Variants in KMT2D observed in about 807,000 individuals in gnomAD.
KMT2D encodes lysine methyltransferase 2D, also known as histone-lysine N-methyltransferase 2D.
A neutral mutation model predicts 512.7 loss-of-function variants in KMT2D; 55 were observed. That is an observed-to-expected ratio of 0.11 (90% confidence interval 0.09 to 0.13). The LOEUF is 0.13. Among genes scored for constraint, KMT2D ranks in the 10% least tolerant of loss-of-function variants. The pLI, the probability that KMT2D is intolerant of heterozygous loss-of-function variation, is 1.00. For missense variants in KMT2D, 6,061 were observed against 7,127.9 expected (o/e 0.85, Z 5.39); for synonymous variants, 2,995 against 2,904.0 (o/e 1.03, Z -1.01).
chr12:49,049,939 T>C lies in KMT2D; in HGVS notation c.3649A>G (p.Ser1217Gly). 1.2e-6 allele frequency: 2 copies of C among 1,613,964 alleles called. No homozygotes were observed. Among genetic ancestry groups the C allele is most frequent in the Admixed American group, 1.7e-5 (1 of 60,032 alleles). ...GGCTCTGAGCCAGGAAAACTGGCAC[T>C]GGCATCACCCTGGCTCAGATTAGAG... ...EISNLSQGDA[S>G]ASFPGSEPLL... is the part of the protein sequence containing the mutation. The change falls in exon 12 of 55, where the codon AGT (serine) becomes GGT (glycine). Residue 1217 changes from serine (S) to glycine (G), a missense_variant. Physicochemically the swap from Ser to Gly is moderately conservative, Grantham distance 56 (BLOSUM62 0). Transcript: ENST00000301067.
chr12:49,058,949 C>T (rs1267075544), intron 1 of KMT2D, among the ~76,000 whole-genome samples: 1 of 152,210 alleles, frequency 6.6e-6, no homozygotes, highest in Non-Finnish European at 1.5e-5. Flanking sequence ...AGCACTCGGC[C>T]TCACTGGGGT....
In KMT2D at chr12:49,046,879, CTT is replaced by C. The variant is rs1943813100; in HGVS notation, c.4237-91_4237-90del. 2 of 1,265,424 alleles carry C rather than the reference CTT, an allele frequency of 1.6e-6. No individual in the cohort carries two copies. Among genetic ancestry groups the C allele is most frequent in the Non-Finnish European group, 1.1e-6 (1 of 919,254 alleles). The allele number at this position is 1,265,424 out of a possible 1,614,324, so 78.4% of individuals were successfully genotyped here. Reference sequence around the variant, plus strand: ...TTTTTTTTGGAGATGGAGTTTTGCTCTTGTTCCCCAGGCTGGAGTGCAATGGC... The same window carrying C: ...TTTTTTTTGGAGATGGAGTTTTGCTCGTTCCCCAGGCTGGAGTGCAATGGC... On this transcript the variant is annotated intron_variant, in intron 15 of 54. Transcript: ENST00000301067. The surrounding 1 kb of genome is among the most constrained non-coding windows in gnomAD (Gnocchi z 4.2).
rs889312730 is a variant in KMT2D, at chr12:49,046,183, C to T, written c.4584-9G>A. On this transcript the variant is annotated splice_polypyrimidine_tract_variant and intron_variant, in intron 17 of 54. Transcript: ENST00000301067. This position sits in a 1 kb window ranked among gnomAD's most constrained non-coding sequence, Gnocchi z 4.2. The stretch of plus-strand genomic sequence containing the variant: ...AGCCTGCATGCATCCACCTGGAGAA[C>T]AGAGACTGGAGGAAATAAGCTCAGG... 1 of 1,611,966 alleles carries T rather than the reference C, an allele frequency of 6.2e-7. No individual in the cohort carries two copies. The highest frequency in any genetic ancestry group is 8.5e-7 in the Non-Finnish European group (1 of 1,178,902).
chr12:49,032,251 G>A lies in KMT2D; in HGVS notation c.12454C>T (p.Leu4152Phe), dbSNP rs1555188088. The A allele has an allele frequency of 6.2e-7, 1 of 1,613,918 alleles. No homozygotes were observed. Among genetic ancestry groups the A allele is most frequent in the Non-Finnish European group, 8.5e-7 (1 of 1,179,830 alleles). Residue 4152 changes from leucine to phenylalanine, a missense_variant, in exon 40 of 55, where the codon CTT becomes TTT. Leu to Phe is a conservative substitution (Grantham distance 22). Coordinates refer to ENST00000301067, the MANE Select transcript of KMT2D (RefSeq NM_003482.4). ...AGCATGGGCTGTTGGGGGCCCAGAA[G>A]GTTCTGGGTCATGGACCCAGGCTGA... is the stretch of plus-strand genomic sequence containing the variant. The part of the protein sequence containing the change: ...GDQPGSMTQN[L>F]LGPQQPMLER...
intron 49 of KMT2D, among the ~76,000 whole-genome samples, chr12:49,025,968 A>T (rs1942559811): frequency 6.6e-6 from 1 of 152,202 alleles, no homozygotes; most frequent in Non-Finnish European, 1.5e-5. Context: ...AGATTAGACC[A>T]GCAAAATATT....
In KMT2D at chr12:49,022,992, G is replaced by A; in HGVS notation, c.16053-117C>T. 8.9e-7 allele frequency: 1 copy of A among 1,118,138 alleles called. No homozygotes were observed. The highest frequency in any genetic ancestry group is 2.5e-4 in the Middle Eastern group (1 of 4,054). 69.3% of individuals were successfully genotyped at this position (1,118,138 alleles called of 1,614,324 possible). ...ACACCAGTTAGGGGCGTGTGCTGCT[G>A]GCAAGCACTGGAAGTGCAGCCTTGG... On this transcript the variant is annotated intron_variant, in intron 51 of 54. Coordinates refer to ENST00000301067, the MANE Select transcript of KMT2D (RefSeq NM_003482.4). This position sits in a 1 kb window ranked among gnomAD's most constrained non-coding sequence, Gnocchi z 8.6.
Position 49,054,972 on chromosome 12 carries a change from T to C in KMT2D, c.104A>G (p.Asn35Ser), listed in dbSNP as rs757397817. The C allele has an allele frequency of 1.9e-6, 3 of 1,613,842 alleles. No individual in the cohort carries two copies. The highest frequency in any genetic ancestry group is 1.6e-4 in the Middle Eastern group (1 of 6,084). ...GACAGAGACCTCTCCCACATGTGGG[T>C]TGGGCAGGTCTGACTCAGTGGCACT... ...DPSATESDLP[N>S]PHVGEVSVLS... Residue 35 changes from asparagine to serine, a missense_variant, in exon 3 of 55, where the codon AAC (asparagine) becomes AGC (serine). This residue lies in a region of KMT2D where 144 missense variants were observed against 165.7 expected (regional missense o/e 0.87). Coordinates refer to ENST00000301067, the MANE Select transcript of KMT2D (RefSeq NM_003482.4). The surrounding 1 kb of genome is among the most constrained non-coding windows in gnomAD (Gnocchi z 6.4).
At chr12:49,035,013 T>C (rs2120463429) in intron 35 of KMT2D, 78 bp from the exon 36 acceptor site, 1 of 1,564,954 alleles carries the variant, frequency 6.4e-7, no homozygotes, top group East Asian at 2.3e-5. Flanking sequence ...TTCAACATCC[T>C]GACTTCAACC....
At position 49,046,701 on chromosome 12, in the gene KMT2D, C is replaced by A. The variant is rs749846413; in HGVS notation, c.4326G>T (p.Leu1442=). 6.2e-7 allele frequency: 1 copy of A among 1,613,986 alleles called. No homozygotes were observed. The highest frequency in any genetic ancestry group is 2.2e-5 in the East Asian group (1 of 44,888). Residue 1442 remains leucine (L), a synonymous_variant, in exon 16 of 55, where the codon CTG becomes CTT. Coordinates refer to ENST00000301067, the MANE Select transcript of KMT2D (RefSeq NM_003482.4). This position sits in a 1 kb window ranked among gnomAD's most constrained non-coding sequence, Gnocchi z 4.2. ...TAATATCACAGTCATCACAGAGCAG[C>A]AGGCGTGAGGGGTCGGAGGCCTGGC... is the stretch of plus-strand genomic sequence containing the variant. ...VCGQASDPSR[L]LLCDDCDISY...
rs1324342513 is a variant in KMT2D, at chr12:49,039,956, T to C, written c.7814A>G (p.Tyr2605Cys). The stretch of plus-strand genomic sequence containing the variant: ...CGGAGGGCGTAGTGGGGACAGCCCA[T>C]AGCTCTCCCCTGTGGACCCGCTGCT... Reference protein sequence around the residue: ...GPSSGSTGESYGLSPLRPPSV... With the variant: ...GPSSGSTGESCGLSPLRPPSV... The change falls in exon 32 of 55, where the codon TAT (tyrosine) becomes TGT (cysteine). Residue 2605 changes from tyrosine to cysteine, a missense_variant. By Grantham distance (194) the Tyr-to-Cys change is radical. This residue lies in a region of KMT2D where 527 missense variants were observed against 578.9 expected (regional missense o/e 0.91). Transcript: ENST00000301067. The surrounding 1 kb of genome is among the most constrained non-coding windows in gnomAD (Gnocchi z 5.0). 3 of 1,613,888 alleles carry C rather than the reference T, an allele frequency of 1.9e-6. No individual in the cohort carries two copies. Among genetic ancestry groups the C allele is most frequent in the Non-Finnish European group, 2.5e-6 (3 of 1,179,816 alleles).
At position 49,030,646 on chromosome 12, in the gene KMT2D, C is replaced by T; in HGVS notation, c.13794G>A (p.Gly4598=). ...AGTAGTCAGGGCCAGTGGGCAGCGC[C>T]CCACTTCCAAAGGCCCCCCTCAGCT... ...QSQLRGAFGS[G]ALPTGPDYYS... Residue 4598 remains glycine, a synonymous_variant, in exon 42 of 55, where the codon GGG becomes GGA. Coordinates refer to ENST00000301067, the MANE Select transcript of KMT2D (RefSeq NM_003482.4). 6.2e-7 allele frequency: 1 copy of T among 1,608,222 alleles called. No individual in the cohort carries two copies. Among genetic ancestry groups the T allele is most frequent in the Non-Finnish European group, 8.5e-7 (1 of 1,177,166 alleles).
In KMT2D at chr12:49,028,067, G is replaced by C. The variant is rs1280697331; in HGVS notation, c.14457C>G (p.Phe4819Leu). ...MKIPNSYEVL[F>L]PESPARAGTE... Reference sequence around the variant, plus strand: ...TGCCTGCCCGGGCGGGGCTCTCTGGGAACAGCACCTCATAGGAGTTGGGGA... The same window carrying C: ...TGCCTGCCCGGGCGGGGCTCTCTGGCAACAGCACCTCATAGGAGTTGGGGA... Residue 4819 changes from phenylalanine to leucine, a missense_variant, in exon 47 of 55, where the codon TTC becomes TTG. By Grantham distance (22) the Phe-to-Leu change is conservative. Coordinates refer to ENST00000301067, the MANE Select transcript of KMT2D (RefSeq NM_003482.4). 6.2e-7 allele frequency: 1 copy of C among 1,613,964 alleles called. No homozygotes were observed. The highest frequency in any genetic ancestry group is 8.5e-7 in the Non-Finnish European group (1 of 1,179,870).
In KMT2D at chr12:49,054,799, A is replaced by G. The variant is rs2120714631; in HGVS notation, c.177-48T>C. ...ACCACGCCAGGCCCCCAGCAACCCCATGATCTGGCATGCCCATGCTTCCCC... is the reference window on the plus strand; with the variant it reads ...ACCACGCCAGGCCCCCAGCAACCCCGTGATCTGGCATGCCCATGCTTCCCC... On this transcript the variant is annotated intron_variant, in intron 3 of 54. Transcript: ENST00000301067. The surrounding 1 kb of genome is among the most constrained non-coding windows in gnomAD (Gnocchi z 6.4). 1 of 1,605,778 alleles carries G rather than the reference A, an allele frequency of 6.2e-7. No individual in the cohort carries two copies.
rs1421146072 is a variant in KMT2D at position 49,044,797 on chromosome 12, G to A, written c.4910C>T (p.Pro1637Leu). The A allele has an allele frequency of 6.2e-7, 1 of 1,614,006 alleles. No individual in the cohort carries two copies. Among genetic ancestry groups the A allele is most frequent in the East Asian group, 2.2e-5 (1 of 44,882 alleles). The change falls in exon 20 of 55, where the codon CCT becomes CTT. Residue 1637 changes from proline (P) to leucine (L), a missense_variant. By Grantham distance (98) the Pro-to-Leu change is moderately conservative. This residue lies in a region of KMT2D where 640 missense variants were observed against 814.3 expected (regional missense o/e 0.79). Transcript: ENST00000301067. This position sits in a 1 kb window ranked among gnomAD's most constrained non-coding sequence, Gnocchi z 6.4. ...CAGGTCCCCATCCTTCTTGTCATCA[G>A]GGCCAAGGGCATCTGAGGGCTCAGA... ...EGSEPSDALG[P>L]DDKKDGDLDT...
At position 49,041,290 on chromosome 12, in the gene KMT2D, G is replaced by A. The variant is rs2120544529; in HGVS notation, c.6480C>T (p.Phe2160=). The change falls in exon 32 of 55, where the codon TTC becomes TTT. Residue 2160 remains phenylalanine, a synonymous_variant. Coordinates refer to ENST00000301067, the MANE Select transcript of KMT2D (RefSeq NM_003482.4). This position sits in a 1 kb window ranked among gnomAD's most constrained non-coding sequence, Gnocchi z 5.4. The part of the protein sequence containing the change: ...VPGPDSPGEL[F]LKLPPQVPAQ... ...CGGGCACCTGGGGTGGGAGCTTGAG[G>A]AAGAGCTCACCAGGCGAGTCAGGGC... 4 of 1,524,530 alleles carry A rather than the reference G, an allele frequency of 2.6e-6. No homozygotes were observed. Among genetic ancestry groups the A allele is most frequent in the Middle Eastern group, 1.8e-4 (1 of 5,624 alleles). The allele number at this position is 1,524,530 out of a possible 1,614,324, so 94.4% of individuals were successfully genotyped here.
In KMT2D at chr12:49,039,460, CCTCGACTCAGCTG is replaced by C. The variant is rs1565790733; in HGVS notation, c.8191_8203del (p.Gln2731AlafsTer22). On this transcript the variant is annotated frameshift_variant, in exon 33 of 55. Coordinates refer to ENST00000301067, the MANE Select transcript of KMT2D (RefSeq NM_003482.4). LOFTEE classifies it high-confidence loss of function. This position sits in a 1 kb window ranked among gnomAD's most constrained non-coding sequence, Gnocchi z 5.0. ...CTGTGTCCCAGCAAAGGGGGTCTGG[CCTCGACTCAGCTG>C]CTCAAAGGCAGGGCTGCTGGGCTCA... is the stretch of plus-strand genomic sequence containing the variant. 1 of 1,603,338 alleles carries C rather than the reference CCTCGACTCAGCTG, an allele frequency of 6.2e-7. No homozygotes were observed. Among genetic ancestry groups the C allele is most frequent in the Non-Finnish European group, 8.5e-7 (1 of 1,173,580 alleles).
chr12:49,037,333 T>C lies in KMT2D; in HGVS notation c.10023A>G (p.Gln3341=), dbSNP rs2120477406. The change falls in exon 35 of 55, where the codon CAA becomes CAG. Residue 3341 remains glutamine (Q), a synonymous_variant. Transcript: ENST00000301067. ...PTQPPAHALQ[Q]RLAPSMAMVS... is the part of the protein sequence containing the mutation. ...CCATAGCCATGGATGGAGCCAGGCG[T>C]TGCTGGAGGGCATGAGCTGGTGGCT... 3.7e-6 allele frequency: 6 copies of C among 1,612,318 alleles called. No homozygotes were observed. In the East Asian group the frequency reaches 1.3e-4, roughly 36 times the overall value.
intron 12 of KMT2D, 84 bp downstream of exon 12, chr12:49,049,598 G>T: frequency 1.4e-6 from 2 of 1,402,100 alleles, no homozygotes; most frequent in Non-Finnish European, 1.9e-6. Flanking sequence ...CACAAAGCAA[G>T]GTGGGAAAGT....
At position 49,021,551 on chromosome 12, in the gene KMT2D, C is replaced by T; in HGVS notation, c.*229G>A. On this transcript the variant is annotated 3_prime_UTR_variant, in exon 55 of 55. Coordinates refer to ENST00000301067, the MANE Select transcript of KMT2D (RefSeq NM_003482.4). ...GTCTGGCCCCTCCTGGAGCTGGGGG[C>T]AGAGATGCCAGCCTGAGGGCCGGTG... The T allele has an allele frequency of 3.6e-6, 2 of 549,284 alleles. No homozygotes were observed. Among genetic ancestry groups the T allele is most frequent in the Non-Finnish European group, 6.5e-6 (2 of 309,012 alleles). 34.0% of individuals were successfully genotyped at this position (549,284 alleles called of 1,614,324 possible). A position where few individuals can be genotyped will look rare whatever the true frequency, so the allele number is the denominator to read the frequency against.
Sources: allele counts gnomAD v4.1 joint callset (sites outside exome capture counted in the v4.1 genomes callset), GRCh38; gene constraint gnomAD v4.1.1; regional missense constraint gnomAD v4.1.1; non-coding constraint Gnocchi (gnomAD v3.1); transcripts MANE v1.5; gene names NCBI Gene and HGNC (gene_info 2026-07-23, HGNC 2026-07-21).